ENOX1: variants seen among roughly 807,000 people sequenced by gnomAD.
The protein encoded by ENOX1 is candidate growth-related and time keeping constitutive hydroquinone (NADH) oxidase.
Under a neutral mutation model 82.5 loss-of-function variants are expected in ENOX1, and 42 were observed. That is an observed-to-expected ratio of 0.51 (90% confidence interval 0.40 to 0.66). ENOX1 has a LOEUF of 0.66. ENOX1 is among the 30% of genes least tolerant of loss of function. The probability of loss-of-function intolerance (pLI) is 0.00; values close to 1 mark genes in which losing one functional copy is unlikely to be tolerated. For synonymous variants in ENOX1, 271 were observed against 282.2 expected (o/e 0.96, Z 0.40); for missense variants, 608 against 811.6 (o/e 0.75, Z 3.05).
At chr13:43,736,621 C>G (rs562170952) in intron 1 of ENOX1, among the ~76,000 whole-genome samples, 111 of 152,206 alleles carry the variant, frequency 7.3e-4, no homozygotes, top group African/African-American at 2.6e-3. Context: ...TCCCGCTTGT[C>G]TCCGCAGTAT....
chr13:43,391,748 G>A (rs1164696484), intron 5 of ENOX1, among the ~76,000 whole-genome samples: 1 of 151,956 alleles, frequency 6.6e-6, no homozygotes, highest in Non-Finnish European at 1.5e-5. Context: ...TACTCACCTG[G>A]GACCTGGACA....
At chr13:43,410,095 T>G (rs1257769827) in intron 5 of ENOX1, among the ~76,000 whole-genome samples, 2 of 152,038 alleles carry the variant, frequency 1.3e-5, no homozygotes, top group Non-Finnish European at 2.9e-5. Flanking sequence ...GCTGGGAAAA[T>G]CATAAATTGG....
intron 3 of ENOX1, among the ~76,000 whole-genome samples, chr13:43,468,268 G>A (rs747247467): frequency 6.1e-5 from 9 of 148,362 alleles, no homozygotes; most frequent in East Asian, 2.0e-4. Flanking sequence ...TGCAACCTCC[G>A]CCTCCTGGGT....
intron 2 of ENOX1, among the ~76,000 whole-genome samples, chr13:43,486,749 T>G (rs2076435881): frequency 6.6e-6 from 1 of 152,234 alleles, no homozygotes; most frequent in Non-Finnish European, 1.5e-5. Flanking sequence ...GGCAAGGTAC[T>G]AAAACTGTAT....
At chr13:43,553,225 A>C (rs946176699) in intron 2 of ENOX1, among the ~76,000 whole-genome samples, 2 of 152,166 alleles carry the variant, frequency 1.3e-5, no homozygotes, top group African/African-American at 4.8e-5. Flanking sequence ...TTAGGTAGCT[A>C]TTGTCATAAC....
chr13:43,237,313 G>A (rs769461369), intron 14 of ENOX1, among the ~76,000 whole-genome samples: 6 of 152,144 alleles, frequency 3.9e-5, no homozygotes, highest in African/African-American at 9.7e-5. Flanking sequence ...CCAATAACAC[G>A]TGAAACATTG....
At chr13:43,490,144 G>C (rs188368506) in intron 2 of ENOX1, among the ~76,000 whole-genome samples, 2 of 152,114 alleles carry the variant, frequency 1.3e-5, no homozygotes, top group African/African-American at 2.4e-5. Flanking sequence ...GTTTTGTCAT[G>C]TTGGCCAGGC....
intron 1 of ENOX1, among the ~76,000 whole-genome samples, chr13:43,699,389 C>T (rs1188409858): frequency 2.0e-5 from 3 of 152,166 alleles, no homozygotes; most frequent in African/African-American, 7.2e-5. Flanking sequence ...TACCCCAGCA[C>T]AATCGGGATT....
rs1491279637 is a variant in ENOX1, at chr13:43,616,205, T to TATATATA, written c.-219+51273_-219+51274insTATATAT. 1.7e-3 allele frequency among the ~76,000 whole-genome samples: 10 copies of TATATATA among 5,910 alleles called. 1 individual carries two copies. Among genetic ancestry groups the TATATATA allele is most frequent in the African/African-American group, 2.2e-3 (10 of 4,620 alleles). 3.9% of individuals were successfully genotyped at this position (5,910 alleles called of 152,430 possible). ...ATCTATCTATATATATATATATATA[T>TATATATA]TTTTTTTTTTTTTTTAGGACGGAGT... On this transcript the variant is annotated intron_variant, in intron 2 of 16. Coordinates refer to ENST00000690772, the MANE Select transcript of ENOX1 (RefSeq NM_001347969.2).
chr13:43,624,315 G>A (rs1042921528), intron 2 of ENOX1, among the ~76,000 whole-genome samples: 4 of 151,688 alleles, frequency 2.6e-5, no homozygotes, highest in Admixed American at 1.3e-4. Flanking sequence ...TATATTCTAG[G>A]GTACTAGTCC....
At chr13:43,525,535 T>C (rs1289254448) in intron 2 of ENOX1, among the ~76,000 whole-genome samples, 1 of 152,144 alleles carries the variant, frequency 6.6e-6, no homozygotes, top group African/African-American at 2.4e-5. Flanking sequence ...AATTCTATTT[T>C]TGTTTTTTTG....
Position 43,361,382 on chromosome 13 carries a change from C to T in ENOX1, c.279G>A (p.Met93Ile). ...MMTGITPINP[M>I]IPGLGLVPPP... Reference sequence around the variant, plus strand: ...GAGGTACCAGTCCAAGGCCTGGTATCATTGGGTTAATGGGGGTGATTCCAG... The same window carrying T: ...GAGGTACCAGTCCAAGGCCTGGTATTATTGGGTTAATGGGGGTGATTCCAG... The change falls in exon 6 of 17, where the codon ATG becomes ATA. Residue 93 changes from methionine to isoleucine, a missense_variant. Met to Ile is a conservative substitution (Grantham distance 10). Coordinates refer to ENST00000690772, the MANE Select transcript of ENOX1 (RefSeq NM_001347969.2). The T allele has an allele frequency of 1.2e-6, 2 of 1,613,252 alleles. No individual in the cohort carries two copies. The highest frequency in any genetic ancestry group is 1.7e-5 in the Admixed American group (1 of 59,816).
intron 9 of ENOX1, among the ~76,000 whole-genome samples, chr13:43,339,934 T>G (rs1043664149): frequency 6.6e-6 from 1 of 152,178 alleles, no homozygotes; most frequent in Non-Finnish European, 1.5e-5. Context: ...AGCAAGTGTG[T>G]CAGTCACTGA....
chr13:43,283,977 T>C (rs1164523613), intron 12 of ENOX1, among the ~76,000 whole-genome samples: 1 of 152,146 alleles, frequency 6.6e-6, no homozygotes, highest in East Asian at 1.9e-4. Context: ...ATATACAAAA[T>C]TTATTTTAGT....
intron 5 of ENOX1, among the ~76,000 whole-genome samples, chr13:43,377,420 A>G (rs1055650271): frequency 1.3e-5 from 2 of 152,156 alleles, no homozygotes; most frequent in African/African-American, 4.8e-5. Context: ...TTTATAAATT[A>G]CCCAGTCTGT....
At chr13:43,669,531 GAGA>G (rs1594338856) in intron 1 of ENOX1, among the ~76,000 whole-genome samples, 1 of 152,158 alleles carries the variant, frequency 6.6e-6, no homozygotes, top group South Asian at 2.1e-4. Flanking sequence ...TTCCTTTTGT[GAGA>G]AGAAGGAGCT....
intron 2 of ENOX1, among the ~76,000 whole-genome samples, chr13:43,651,179 AAT>A (rs1423111872): frequency 6.6e-6 from 1 of 152,156 alleles, no homozygotes; most frequent in Admixed American, 6.5e-5. Context: ...AGCCAGTCAG[AAT>A]ATGTTATACA....
At chr13:43,310,232 C>T (rs1232820748) in intron 11 of ENOX1, among the ~76,000 whole-genome samples, 3 of 145,314 alleles carry the variant, frequency 2.1e-5, no homozygotes, top group Non-Finnish European at 3.0e-5. Context: ...AAAGCCTCTG[C>T]CAGTGCTGAG....
intron 12 of ENOX1, among the ~76,000 whole-genome samples, chr13:43,296,848 A>C (rs924863587): frequency 1.3e-5 from 2 of 152,206 alleles, no homozygotes; most frequent in Non-Finnish European, 2.9e-5. Flanking sequence ...AGTTGTGTAA[A>C]GTGTGACATA....
Sources: allele counts gnomAD v4.1 joint callset (sites outside exome capture counted in the v4.1 genomes callset), GRCh38; gene constraint gnomAD v4.1.1; transcripts MANE v1.5; gene names NCBI Gene and HGNC (gene_info 2026-07-23, HGNC 2026-07-21).